DMD: variants seen among roughly 807,000 people sequenced by gnomAD.
DMD encodes dystrophin, also known as mutant dystrophin.
Under a neutral mutation model 330.1 loss-of-function variants are expected in DMD, and 63 were observed. The observed-to-expected ratio is 0.19, with a 90% CI of 0.16 to 0.24. The LOEUF is 0.24. DMD is among the 10% of genes least tolerant of loss of function. The pLI, the probability that DMD is intolerant of heterozygous loss-of-function variation, is 1.00. For missense variants in DMD, 3,344 were observed against 2,684.1 expected, an observed-to-expected ratio of 1.25 and a Z score of -5.43; for synonymous variants, 1,223 against 959.8, an observed-to-expected ratio of 1.27 and a Z score of -5.07.
intron 7 of DMD, among the ~76,000 whole-genome samples, chrX:32,758,158 C>T (rs1422477340): frequency 8.9e-6 from 1 of 111,993 alleles, no homozygotes; most frequent in African/African-American, 3.2e-5. Context: ...AGTTTTCTTA[C>T]TAGTTTCTTT....
chrX:32,173,066 GGTGTGTGTGTGTGTGTGTGTGTGTGTGT>G (rs3040089), intron 44 of DMD, among the ~76,000 whole-genome samples: 1 of 89,624 alleles, frequency 1.1e-5, no homozygotes, highest in African/African-American at 4.3e-5. Flanking sequence ...ACCTGATTTT[GGTGTGTGTGTGTGTGTGTGTGTGTGTGT>G]GTGTGTGTGT....
intron 11 of DMD, among the ~76,000 whole-genome samples, chrX:32,631,251 C>T (rs1439202997): frequency 9.0e-6 from 1 of 111,663 alleles, no homozygotes; most frequent in Non-Finnish European, 1.9e-5. Flanking sequence ...CCTGTAGCTA[C>T]CACGACTAGG....
At chrX:33,172,658 C>T (rs1008942991) in intron 1 of DMD, among the ~76,000 whole-genome samples, 1 of 111,863 alleles carries the variant, frequency 8.9e-6, no homozygotes, top group African/African-American at 3.2e-5. Context: ...AGAGATTACA[C>T]TCCCGTGGTA....
intron 74 of DMD, among the ~76,000 whole-genome samples, chrX:31,157,111 T>C (rs111324696): frequency 0.052 from 5,797 of 111,655 alleles, 339 homozygotes; most frequent in African/African-American, 0.16. Context: ...CCATGGATCA[T>C]TGCTGAAATA....
chrX:32,630,655 C>A (rs780339925), intron 11 of DMD, among the ~76,000 whole-genome samples: 1 of 111,419 alleles, frequency 9.0e-6, no homozygotes, highest in Admixed American at 9.6e-5. Flanking sequence ...TCTTTCAACT[C>A]CAGAATTTTT....
chrX:31,408,013 G>A (rs1028124028), intron 60 of DMD, among the ~76,000 whole-genome samples: 2 of 111,823 alleles, frequency 1.8e-5, no homozygotes, highest in African/African-American at 6.5e-5. Flanking sequence ...AACGCAAAGT[G>A]GTCTAAAATG....
intron 7 of DMD, among the ~76,000 whole-genome samples, chrX:32,807,137 A>T (rs1381179013): frequency 2.9e-4 from 30 of 104,081 alleles, no homozygotes; most frequent in Admixed American, 1.5e-3. Flanking sequence ...AAAAAAAAAA[A>T]AAAAAAAAAA....
chrX:31,635,243 C>T (rs1246430893), intron 54 of DMD, among the ~76,000 whole-genome samples: 1 of 111,660 alleles, frequency 9.0e-6, no homozygotes, highest in Non-Finnish European at 1.9e-5. Flanking sequence ...TTGTATAATG[C>T]GAATTTTTAA....
chrX:31,679,760 T>A (rs1264537760), intron 52 of DMD, among the ~76,000 whole-genome samples, 174 bp from the exon 53 acceptor site: 1 of 112,502 alleles, frequency 8.9e-6, no homozygotes, highest in Non-Finnish European at 1.9e-5. Context: ...ATGGCAAATA[T>A]TAGTTTCTGT....
intron 1 of DMD, among the ~76,000 whole-genome samples, chrX:33,035,470 A>G (rs916516652): frequency 9.0e-5 from 10 of 111,553 alleles, no homozygotes; most frequent in Non-Finnish European, 3.8e-5. Context: ...GTGCTTCCAT[A>G]TACACAGATG....
intron 2 of DMD, among the ~76,000 whole-genome samples, chrX:32,953,443 TA>T (rs1454699203): frequency 8.9e-6 from 1 of 111,944 alleles, no homozygotes; most frequent in East Asian, 2.8e-4. Flanking sequence ...AATGATTCTT[TA>T]AAAAAATGAT....
At chrX:32,747,613 G>A (rs907238450) in intron 7 of DMD, among the ~76,000 whole-genome samples, 6 of 111,328 alleles carry the variant, frequency 5.4e-5, no homozygotes, top group South Asian at 3.7e-4. Context: ...TCAGCGTCCC[G>A]AATAGTTAGG....
chrX:31,498,477 G>A (rs1452276978), intron 56 of DMD, among the ~76,000 whole-genome samples: 1 of 112,020 alleles, frequency 8.9e-6, no homozygotes, highest in Non-Finnish European at 1.9e-5. Context: ...TGATGACATA[G>A]CCAAATATTT....
At chrX:31,474,712 A>AAAAAT (rs749950829) in intron 59 of DMD, among the ~76,000 whole-genome samples, 5,329 of 95,902 alleles carry the variant, frequency 0.056, 204 homozygotes, top group African/African-American at 0.096. Context: ...GTCGCAAAAA[A>AAAAAT]AAAATAAAAT....
At chrX:32,155,371 C>T (rs967072628) in intron 44 of DMD, 16 of 748,834 alleles carry the variant, frequency 2.1e-5, no homozygotes, top group Non-Finnish European at 2.4e-5. Flanking sequence ...ACTTGCCTAC[C>T]TTAATAAGGT....
At chrX:32,292,299 A>ATTATTTTTTTTTT (rs1355530949) in intron 42 of DMD, among the ~76,000 whole-genome samples, 1 of 30,854 alleles carries the variant, frequency 3.2e-5, no homozygotes, top group South Asian at 1.7e-3. Context: ...CAAAGGGAAT[A>ATTATTTTTTTTTT]TTCTTTTTTT....
chrX:32,643,035 C>A (rs760066941), intron 11 of DMD, among the ~76,000 whole-genome samples: 1 of 111,074 alleles, frequency 9.0e-6, no homozygotes, highest in Non-Finnish European at 1.9e-5. Context: ...ATTAGTGGAC[C>A]TGGTAAACAC....
intron 16 of DMD, among the ~76,000 whole-genome samples, chrX:32,549,700 G>T (rs2049329446): frequency 9.0e-6 from 1 of 111,406 alleles, no homozygotes; most frequent in Non-Finnish European, 1.9e-5. Flanking sequence ...AAAATTGGAA[G>T]AGCATTTGCC....
At chrX:32,485,368 C>A (rs143321876) in intron 20 of DMD, among the ~76,000 whole-genome samples, 4 of 110,438 alleles carry the variant, frequency 3.6e-5, no homozygotes, top group African/African-American at 9.9e-5. Context: ...GGTATGAATG[C>A]GTACAGTGGA....
Sources: gnomAD v4.1 joint callset for allele counts (sites outside exome capture counted in the v4.1 genomes callset) on GRCh38, gnomAD v4.1.1 for gene constraint, MANE v1.5 for transcripts, NCBI Gene and HGNC (gene_info 2026-07-23, HGNC 2026-07-21) for gene names.